ARL6IP6: variants seen among roughly 807,000 people sequenced by gnomAD.
The protein encoded by ARL6IP6 is ARF like GTPase 6 interacting protein 6, also known as ADP-ribosylation factor-like protein 6-interacting protein 6.
A neutral mutation model predicts 21.5 loss-of-function variants in ARL6IP6; 22 were observed. The ratio of observed to expected loss-of-function variants is 1.02; its 90% CI spans 0.73 to 1.46. The LOEUF (loss-of-function observed/expected upper bound fraction) is 1.46, where lower values mean the gene tolerates loss of function less well. Ranked by LOEUF, ARL6IP6 falls within the 40% of genes most tolerant of loss-of-function variation. The pLI is 0.00. For synonymous variants in ARL6IP6, 164 were observed against 125.3 expected (o/e 1.31, Z -2.06); for missense variants, 388 against 299.8 (o/e 1.29, Z -2.17).
In ARL6IP6 at chr2:152,744,188, A is replaced by G. The variant is rs186729798; in HGVS notation, c.587+9062A>G. ...CCTAGATAGCTTTTAAAAGAGACCAAAACCTTCAAAGTCATCTCACAGATA... is the reference window on the plus strand; with the variant it reads ...CCTAGATAGCTTTTAAAAGAGACCAGAACCTTCAAAGTCATCTCACAGATA... On this transcript the variant is annotated intron_variant, in intron 3 of 3. Transcript: ENST00000326446. 9.7e-4 allele frequency among the ~76,000 whole-genome samples: 147 copies of G among 152,292 alleles called. No individual in the cohort carries two copies. The East Asian group carries it at 0.016, about 17-fold the overall frequency.
intron 2 of ARL6IP6, among the ~76,000 whole-genome samples, chr2:152,728,530 C>T (rs191374194): frequency 2.3e-3 from 351 of 152,244 alleles, no homozygotes; most frequent in Non-Finnish European, 4.0e-3. Context: ...ATATAACAGC[C>T]TCTTTTGCTG....
At position 152,718,989 on chromosome 2, in the gene ARL6IP6, C is replaced by A. The variant is rs901778759; in HGVS notation, c.365C>A (p.Ala122Asp). The change falls in exon 1 of 4, where the codon GCC becomes GAC. Residue 122 changes from alanine (A) to aspartate (D), a missense_variant. Physicochemically the swap from Ala to Asp is moderately radical, Grantham distance 126 (BLOSUM62 -2). Transcript: ENST00000326446. ...TCGCTGCTCTTCGCCATTCTTCTCG[C>A]CTTCCTCCTCGCCATCGCCTACTTG... ...LCSLLFAILL[A>D]FLLAIAYLIV... The A allele has an allele frequency of 6.3e-7, 1 of 1,583,350 alleles. No individual in the cohort carries two copies. The highest frequency in any genetic ancestry group is 1.8e-5 in the Admixed American group (1 of 56,176).
At position 152,762,323 on chromosome 2, in the gene ARL6IP6, T is replaced by C. The variant is rs1003158327; in HGVS notation, c.*2483T>C. On this transcript the variant is annotated 3_prime_UTR_variant, in exon 4 of 4. Coordinates refer to ENST00000326446, the MANE Select transcript of ARL6IP6 (RefSeq NM_152522.7). ...TTGCTAATGGCGTTACCCTGGTCCC[T>C]GAAGCCCAGTGGCAATCCTGCCATT... Among the ~76,000 whole-genome samples the C allele has an allele frequency of 6.6e-6, 1 of 152,236 alleles. No individual in the cohort carries two copies. Among genetic ancestry groups the C allele is most frequent in the African/African-American group, 2.4e-5 (1 of 41,464 alleles).
chr2:152,727,910 T>C (rs982452218), intron 2 of ARL6IP6, among the ~76,000 whole-genome samples: 6 of 152,228 alleles, frequency 3.9e-5, no homozygotes, highest in Non-Finnish European at 5.9e-5. Context: ...TCATTGTTAG[T>C]ATCATAAAAT....
intron 2 of ARL6IP6, among the ~76,000 whole-genome samples, chr2:152,726,340 T>C (rs560689131): frequency 6.7e-4 from 93 of 139,816 alleles, no homozygotes; most frequent in African/African-American, 2.5e-3. Flanking sequence ...CCTTAACCAG[T>C]GTAACTGCTA....
rs1002865672 is a variant in ARL6IP6, at chr2:152,762,136, A to G, written c.*2296A>G. Among the ~76,000 whole-genome samples, 1 of 152,044 alleles carries G rather than the reference A, an allele frequency of 6.6e-6. No individual in the cohort carries two copies. Among genetic ancestry groups the G allele is most frequent in the Non-Finnish European group, 1.5e-5 (1 of 67,986 alleles). On this transcript the variant is annotated 3_prime_UTR_variant, in exon 4 of 4. Transcript: ENST00000326446. ...CCTAATCTCATTTTGCCTGGCTACA[A>G]TGAGTAGAATAGAGAAATGACTTCA...
chr2:152,747,489 T>A (rs1193092737), intron 3 of ARL6IP6, among the ~76,000 whole-genome samples: 1 of 152,198 alleles, frequency 6.6e-6, no homozygotes, highest in Non-Finnish European at 1.5e-5. Context: ...CCAGTAATAC[T>A]GCCTGCAAAA....
At chr2:152,733,445 A>G in intron 2 of ARL6IP6, among the ~76,000 whole-genome samples, 1 of 152,056 alleles carries the variant, frequency 6.6e-6, no homozygotes, top group East Asian at 1.9e-4. Context: ...TTGTATTTTT[A>G]GTAGAGGTGG....
chr2:152,717,856 G>C, upstream of ARL6IP6: 1 of 1,090,934 alleles, frequency 9.2e-7, no homozygotes, highest in Non-Finnish European at 1.1e-6. Flanking sequence ...GTAGGGTGGA[G>C]GGGGCGGGGG....
At chr2:152,724,946 T>C (rs1454612536) in intron 2 of ARL6IP6, among the ~76,000 whole-genome samples, 2 of 152,168 alleles carry the variant, frequency 1.3e-5, no homozygotes, top group African/African-American at 4.8e-5. Flanking sequence ...CTTTTTTTGC[T>C]TTTACGGAAT....
intron 3 of ARL6IP6, among the ~76,000 whole-genome samples, chr2:152,743,742 G>A (rs1700921487): frequency 6.6e-6 from 1 of 152,054 alleles, no homozygotes; most frequent in African/African-American, 2.4e-5. Flanking sequence ...CTATATAAAT[G>A]GAAATAAAGT....
chr2:152,754,224 C>T (rs969904869), intron 3 of ARL6IP6, among the ~76,000 whole-genome samples: 1 of 152,144 alleles, frequency 6.6e-6, no homozygotes, highest in East Asian at 1.9e-4. Context: ...ACCATTTCCT[C>T]CTGCCTCTAT....
At chr2:152,723,466 C>T (rs564024708) in intron 2 of ARL6IP6, among the ~76,000 whole-genome samples, 1 of 152,206 alleles carries the variant, frequency 6.6e-6, no homozygotes, top group East Asian at 1.9e-4. Context: ...TTAATATTTC[C>T]GTGACTCATA....
chr2:152,733,016 A>G (rs1033044034), intron 2 of ARL6IP6, among the ~76,000 whole-genome samples: 14 of 152,068 alleles, frequency 9.2e-5, no homozygotes, highest in Admixed American at 9.2e-4. Flanking sequence ...GAATTTTTGT[A>G]TCATGGTTAG....
chr2:152,730,474 G>A (rs1287980362), intron 2 of ARL6IP6, among the ~76,000 whole-genome samples: 1 of 151,966 alleles, frequency 6.6e-6, no homozygotes, highest in Non-Finnish European at 1.5e-5. Flanking sequence ...CTAAATAATA[G>A]CAAATAACAG....
intron 3 of ARL6IP6, among the ~76,000 whole-genome samples, chr2:152,747,289 A>G (rs943547062): frequency 3.9e-5 from 6 of 152,204 alleles, no homozygotes; most frequent in Non-Finnish European, 8.8e-5. Flanking sequence ...GGAGAGAGCT[A>G]GCTTTCCAGG....
chr2:152,756,045 TTAA>T (rs1310398233), intron 3 of ARL6IP6, among the ~76,000 whole-genome samples: 1 of 152,220 alleles, frequency 6.6e-6, no homozygotes, highest in Non-Finnish European at 1.5e-5. Context: ...GGGTTTTCAC[TTAA>T]TAATGTCCTT....
intron 3 of ARL6IP6, among the ~76,000 whole-genome samples, chr2:152,746,599 T>C (rs1441793220): frequency 6.6e-6 from 1 of 152,170 alleles, no homozygotes; most frequent in South Asian, 2.1e-4. Context: ...ATCCAAGCTA[T>C]AACTTCCTCA....
intron 3 of ARL6IP6, among the ~76,000 whole-genome samples, chr2:152,752,646 G>A (rs1392562669): frequency 1.3e-5 from 2 of 152,160 alleles, no homozygotes; most frequent in Non-Finnish European, 2.9e-5. Flanking sequence ...GGTCCCTGTT[G>A]GCTGCCTCTC....
Sources: gnomAD v4.1 joint callset for allele counts (sites outside exome capture counted in the v4.1 genomes callset) on GRCh38, gnomAD v4.1.1 for gene constraint, MANE v1.5 for transcripts, NCBI Gene and HGNC (gene_info 2026-07-23, HGNC 2026-07-21) for gene names.